The following MID1 variants were observed in gnomAD, a reference collection of about 807,000 sequenced individuals.
MID1 encodes E3 ubiquitin-protein ligase Midline-1.
Under a neutral mutation model 40.4 loss-of-function variants are expected in MID1, and 7 were observed. The ratio of observed to expected loss-of-function variants is 0.17; its 90% CI spans 0.10 to 0.33. MID1 has a LOEUF of 0.33. MID1 is among the 10% of genes least tolerant of loss of function. The probability of loss-of-function intolerance (pLI) is 1.00; values close to 1 mark genes in which losing one functional copy is unlikely to be tolerated. For synonymous variants in MID1, 229 were observed against 221.2 expected (o/e 1.04, Z -0.31); for missense variants, 367 against 558.5 (o/e 0.66, Z 3.46).
intron 3 of MID1, among the ~76,000 whole-genome samples, chrX:10,498,249 A>G (rs1931363131): frequency 8.9e-6 from 1 of 111,860 alleles, no homozygotes; most frequent in African/African-American, 3.3e-5. Context: ...GACTACAGGC[A>G]TATGCCATGA....
intron 1 of MID1, among the ~76,000 whole-genome samples, chrX:10,611,083 A>G (rs753570991): frequency 8.9e-6 from 1 of 112,122 alleles, no homozygotes; most frequent in African/African-American, 3.2e-5. Flanking sequence ...CAAATGGTAC[A>G]TTTTTAAAGA....
At chrX:10,830,381 G>A (rs1419748088) in intron 1 of MID1, among the ~76,000 whole-genome samples, 1 of 112,568 alleles carries the variant, frequency 8.9e-6, no homozygotes, top group Non-Finnish European at 1.9e-5. Flanking sequence ...AAATTCATCT[G>A]TCTCTTATAT....
At chrX:10,530,036 G>T (rs1012388611) in intron 2 of MID1, among the ~76,000 whole-genome samples, 1 of 111,875 alleles carries the variant, frequency 8.9e-6, no homozygotes, top group African/African-American at 3.2e-5. Context: ...CGTTGAGTCT[G>T]ACCCCAAGAA....
At chrX:10,804,637 G>A (rs866396788) in intron 1 of MID1, among the ~76,000 whole-genome samples, 1 of 111,346 alleles carries the variant, frequency 9.0e-6, no homozygotes, top group African/African-American at 3.3e-5. Flanking sequence ...ATAGGATGTA[G>A]GGGGAGGGGA....
intron 1 of MID1, among the ~76,000 whole-genome samples, chrX:10,627,673 C>T (rs1039282293): frequency 1.8e-5 from 2 of 111,438 alleles, no homozygotes; most frequent in African/African-American, 6.5e-5. Flanking sequence ...AGATTAGTCC[C>T]TCAAACCTTT....
intron 1 of MID1, among the ~76,000 whole-genome samples, chrX:10,820,255 C>G (rs1242239217): frequency 8.9e-6 from 1 of 112,136 alleles, no homozygotes; most frequent in Non-Finnish European, 1.9e-5. Flanking sequence ...AGAGCAGACC[C>G]TGGCAGGGCA....
At chrX:10,581,922 G>T (rs1602433960) in intron 1 of MID1, among the ~76,000 whole-genome samples, 1 of 111,592 alleles carries the variant, frequency 9.0e-6, no homozygotes, top group Admixed American at 9.5e-5. Flanking sequence ...TTATTTTGCA[G>T]GAAATAAGGG....
chrX:10,581,272 AAAAC>A (rs201915419), intron 1 of MID1, among the ~76,000 whole-genome samples: 3,962 of 111,521 alleles, frequency 0.036, 147 homozygotes, highest in African/African-American at 0.11. Flanking sequence ...ACAAAAACAA[AAAAC>A]AAACAAACAA....
At chrX:10,634,453 T>C (rs1936086813) in intron 1 of MID1, among the ~76,000 whole-genome samples, 1 of 111,751 alleles carries the variant, frequency 8.9e-6, no homozygotes, top group Non-Finnish European at 1.9e-5. Flanking sequence ...AGTTAACTAA[T>C]ATGGTTTTAT....
At chrX:10,654,458 G>C (rs1293807667) in intron 1 of MID1, among the ~76,000 whole-genome samples, 3 of 111,758 alleles carry the variant, frequency 2.7e-5, no homozygotes, top group Non-Finnish European at 3.8e-5. Flanking sequence ...GGTGGTCTCA[G>C]GATGAAACTG....
chrX:10,641,222 A>C (rs1936190686), intron 1 of MID1, among the ~76,000 whole-genome samples: 1 of 112,021 alleles, frequency 8.9e-6, no homozygotes, highest in Non-Finnish European at 1.9e-5. Context: ...AAAATCAATG[A>C]ATCCAGGAGC....
chrX:10,800,748 G>A (rs1204300994), intron 1 of MID1, among the ~76,000 whole-genome samples: 3 of 112,030 alleles, frequency 2.7e-5, no homozygotes, highest in Non-Finnish European at 5.6e-5. Flanking sequence ...GCTAATTTCT[G>A]TGTTAGATGC....
intron 5 of MID1, among the ~76,000 whole-genome samples, chrX:10,476,654 ATTGAAAGATGCAAGTGAAGAGGTCTAAGC>A (rs1280124120): frequency 8.9e-6 from 1 of 111,836 alleles, no homozygotes; most frequent in Non-Finnish European, 1.9e-5. Context: ...TGATACTGGG[ATTGAAAGATGCAAGTGAAGAGGTCTAAGC>A]TCTGGAAACG....
chrX:10,567,241 C>G lies in MID1; in HGVS notation c.307G>C (p.Glu103Gln). ...ATGGTGTTGGCGTCAAAGGCCCGCT[C>G]CCGACGGGTCTCGCTGGGAGAGTTG... The part of the protein sequence containing the change: ...GPNSPSETRR[E>Q]RAFDANTMTS... Residue 103 changes from glutamate to glutamine, a missense_variant, in exon 2 of 10, where the codon GAG becomes CAG. By Grantham distance (29) the Glu-to-Gln change is conservative. Coordinates refer to ENST00000317552, the MANE Select transcript of MID1 (RefSeq NM_000381.4). The G allele has an allele frequency of 8.3e-7, 1 of 1,209,319 alleles. No homozygotes were observed. Among genetic ancestry groups the G allele is most frequent in the Non-Finnish European group, 1.1e-6 (1 of 893,738 alleles).
intron 5 of MID1, among the ~76,000 whole-genome samples, chrX:10,479,666 C>G (rs1158577034): frequency 1.8e-5 from 2 of 112,202 alleles, no homozygotes; most frequent in Non-Finnish European, 3.8e-5. Flanking sequence ...TTGCAAATAA[C>G]TAGATCTCAT....
chrX:10,657,014 G>T, intron 1 of MID1, among the ~76,000 whole-genome samples: 1 of 110,995 alleles, frequency 9.0e-6, no homozygotes, highest in African/African-American at 3.3e-5. Flanking sequence ...TTTCTCTGGT[G>T]CTGGAGCCAG....
intron 2 of MID1, among the ~76,000 whole-genome samples, chrX:10,540,961 T>G (rs1213435668): frequency 8.9e-6 from 1 of 112,292 alleles, no homozygotes; most frequent in Non-Finnish European, 1.9e-5. Flanking sequence ...ATCCTGGGAA[T>G]GAATTGAGAG....
intron 1 of MID1, among the ~76,000 whole-genome samples, chrX:10,803,811 A>G (rs1445382670): frequency 3.6e-5 from 4 of 111,497 alleles, no homozygotes; most frequent in Non-Finnish European, 7.5e-5. Context: ...GAAAATTCTC[A>G]GTCATTATTA....
chrX:10,703,592 G>A lies in MID1; in HGVS notation c.-186-83173C>T, dbSNP rs985246362. Among the ~76,000 whole-genome samples the A allele has an allele frequency of 3.6e-5, 4 of 111,574 alleles. No individual in the cohort carries two copies. In the Admixed American group the frequency reaches 3.8e-4, roughly 11 times the overall value. On this transcript the variant is annotated intron_variant, in intron 1 of 10. Transcript: ENST00000380785. ...TGAGGCAGGAGAATTGCTTGAACCC[G>A]GGAGGTGGAGGTTGCAGTGAGCTGA...
Sources: gnomAD v4.1 joint callset for allele counts (sites outside exome capture counted in the v4.1 genomes callset) on GRCh38, gnomAD v4.1.1 for gene constraint, MANE v1.5 for transcripts, NCBI Gene and HGNC (gene_info 2026-07-23, HGNC 2026-07-21) for gene names.